The following LOC400499 variants were observed in gnomAD, a reference collection of about 807,000 sequenced individuals.
chr16:11,472,058 T>A, the LOC400499 span: 1 of 375,704 alleles, frequency 2.7e-6, no homozygotes, highest in African/African-American at 2.1e-5. Context: ...CATTATGGGA[T>A]GTTTCGCTGA....
the LOC400499 span, among the ~76,000 whole-genome samples, chr16:11,388,244 G>A: frequency 6.6e-6 from 1 of 152,158 alleles, no homozygotes; most frequent in African/African-American, 2.4e-5. Context: ...TCACCAGGTA[G>A]GTGAGTAACC....
the LOC400499 span, chr16:11,446,614 G>A: frequency 2.0e-6 from 3 of 1,536,012 alleles, no homozygotes; most frequent in African/African-American, 4.1e-5. Context: ...GCCATCGTAT[G>A]GATGCATCAG....
At chr16:11,450,581 C>T in the LOC400499 span, 1 of 1,532,452 alleles carries the variant, frequency 6.5e-7, no homozygotes, top group Non-Finnish European at 8.7e-7. Context: ...GGGGACCAGA[C>T]ATATATCGGG....
chr16:11,430,779 C>A, the LOC400499 span, among the ~76,000 whole-genome samples: 1 of 152,186 alleles, frequency 6.6e-6, no homozygotes, highest in Non-Finnish European at 1.5e-5. Context: ...ATACAATGTC[C>A]ATTAGCGTGT....
the LOC400499 span, among the ~76,000 whole-genome samples, chr16:11,471,062 T>C: frequency 6.6e-6 from 1 of 152,300 alleles, no homozygotes; most frequent in East Asian, 1.9e-4. Flanking sequence ...GTCTGGCTCC[T>C]ACTTTAAGGG....
At chr16:11,435,543 C>T in the LOC400499 span, 16 of 397,970 alleles carry the variant, frequency 4.0e-5, no homozygotes, top group African/African-American at 2.7e-4. Flanking sequence ...CTGACTTGGG[C>T]GTGGTCTCAG....
the LOC400499 span, among the ~76,000 whole-genome samples, chr16:11,412,059 C>G: frequency 6.6e-6 from 1 of 152,108 alleles, no homozygotes; most frequent in South Asian, 2.1e-4. Flanking sequence ...CGATGGGGAT[C>G]TCACTATGTT....
chr16:11,413,847 G>A, the LOC400499 span, among the ~76,000 whole-genome samples: 1 of 152,192 alleles, frequency 6.6e-6, no homozygotes, highest in Non-Finnish European at 1.5e-5. Context: ...CTGTTTTGCA[G>A]ATGAGGAGAT....
At chr16:11,455,121 C>T in the LOC400499 span, among the ~76,000 whole-genome samples, 1 of 151,990 alleles carries the variant, frequency 6.6e-6, no homozygotes, top group African/African-American at 2.4e-5. Context: ...AAGGCAATTA[C>T]AAAACTCCAG....
At chr16:11,401,264 A>C in the LOC400499 span, 1 of 398,946 alleles carries the variant, frequency 2.5e-6, no homozygotes, top group Non-Finnish European at 4.4e-6. Flanking sequence ...ATCCTCACTC[A>C]CCTGCCGGCT....
chr16:11,386,224 C>CCAGT, the LOC400499 span, among the ~76,000 whole-genome samples: 2,029 of 152,332 alleles, frequency 0.013, 45 homozygotes, highest in African/African-American at 0.046. Context: ...ACCAGTCTAG[C>CCAGT]CAGTGCGGCC....
the LOC400499 span, among the ~76,000 whole-genome samples, chr16:11,421,606 G>C: frequency 6.6e-6 from 1 of 152,140 alleles, no homozygotes; most frequent in Non-Finnish European, 1.5e-5. Flanking sequence ...GTTTTACCAT[G>C]TTGGCCAGGC....
chr16:11,443,639 T>C, the LOC400499 span, among the ~76,000 whole-genome samples: 1 of 151,962 alleles, frequency 6.6e-6, no homozygotes, highest in Non-Finnish European at 1.5e-5. Flanking sequence ...AGTAGGCATT[T>C]TACAACGCTA....
At chr16:11,513,709 G>A in the LOC400499 span, among the ~76,000 whole-genome samples, 1 of 152,080 alleles carries the variant, frequency 6.6e-6, no homozygotes, top group Admixed American at 6.6e-5. Context: ...GGGATTATAG[G>A]TGTGAGCCAC....
At chr16:11,468,438 C>T in the LOC400499 span, among the ~76,000 whole-genome samples, 1 of 152,136 alleles carries the variant, frequency 6.6e-6, no homozygotes, top group South Asian at 2.1e-4. Context: ...ATCCTCTTGC[C>T]TCAGTCTCCT....
chr16:11,501,003 C>G, the LOC400499 span: 5 of 398,852 alleles, frequency 1.3e-5, no homozygotes, highest in Non-Finnish European at 2.2e-5. Context: ...ACGTGCTGAG[C>G]GCCTGCAAAG....
the LOC400499 span, among the ~76,000 whole-genome samples, chr16:11,506,577 G>A: frequency 6.6e-6 from 1 of 152,114 alleles, no homozygotes; most frequent in Non-Finnish European, 1.5e-5. Flanking sequence ...GGCCCTGCTG[G>A]CTCCGTCTGT....
At chr16:11,483,433 C>T in the LOC400499 span, among the ~76,000 whole-genome samples, 2 of 152,108 alleles carry the variant, frequency 1.3e-5, no homozygotes, top group African/African-American at 4.8e-5. Flanking sequence ...GAGAAACAAA[C>T]TGTGGTATAT....
the LOC400499 span, among the ~76,000 whole-genome samples, chr16:11,434,033 G>C: frequency 1.3e-5 from 2 of 152,190 alleles, no homozygotes; most frequent in Non-Finnish European, 2.9e-5. Context: ...CAGGAGGCAG[G>C]GGAAGGCTCA....
Sources: allele counts gnomAD v4.1 joint callset (sites outside exome capture counted in the v4.1 genomes callset), GRCh38; gene constraint gnomAD v4.1.1; transcripts MANE v1.5.